Variants in ACSBG2 observed in about 807,000 individuals in gnomAD.
ACSBG2 encodes long-chain-fatty-acid--CoA ligase ACSBG2.
ACSBG2 carries 62 observed loss-of-function variants against 74.7 expected under a neutral mutation model. The ratio of observed to expected loss-of-function variants is 0.83; its 90% CI spans 0.68 to 1.03. The LOEUF (loss-of-function observed/expected upper bound fraction) is 1.03. Among genes scored for constraint, ACSBG2 ranks in the 50% least tolerant of loss-of-function variants. The pLI is 0.00. For missense variants in ACSBG2, 730 were observed against 817.6 expected, an observed-to-expected ratio of 0.89 and a Z score of 1.31; for synonymous variants, 309 against 294.1, an observed-to-expected ratio of 1.05 and a Z score of -0.52.
At chr19:6,178,557 T>A (rs2090153593) in intron 8 of ACSBG2, among the ~76,000 whole-genome samples, 1 of 151,964 alleles carries the variant, frequency 6.6e-6, no homozygotes, top group Admixed American at 6.6e-5. Context: ...GATTTTTGTA[T>A]TTTTAGTAGA....
At chr19:6,140,404 G>C (rs1322988880) in intron 1 of ACSBG2, among the ~76,000 whole-genome samples, 3 of 152,156 alleles carry the variant, frequency 2.0e-5, no homozygotes, top group African/African-American at 7.2e-5. Flanking sequence ...TCTCGGCCAG[G>C]CGCAATGGCT....
chr19:6,162,823 T>C (rs1363544172), intron 6 of ACSBG2, among the ~76,000 whole-genome samples: 3 of 151,802 alleles, frequency 2.0e-5, no homozygotes, highest in Non-Finnish European at 4.4e-5. Flanking sequence ...TGCCTCCCAC[T>C]TGAAACAACC....
chr19:6,150,572 C>A (rs1052231886), intron 3 of ACSBG2, among the ~76,000 whole-genome samples: 1 of 152,158 alleles, frequency 6.6e-6, no homozygotes, highest in Non-Finnish European at 1.5e-5. Context: ...GGACATCATA[C>A]TCGGTGAAAT....
chr19:6,168,968 G>A (rs2089891513), intron 7 of ACSBG2, among the ~76,000 whole-genome samples: 1 of 151,998 alleles, frequency 6.6e-6, no homozygotes, highest in Non-Finnish European at 1.5e-5. Flanking sequence ...TAGAAGAGGT[G>A]GGGCTTCGCT....
chr19:6,156,606 C>T, intron 5 of ACSBG2, 55 bp downstream of exon 5: 1 of 1,462,460 alleles, frequency 6.8e-7, no homozygotes, highest in African/African-American at 1.4e-5. Context: ...CCTCAGGGCT[C>T]TGGGCAGGTG....
intron 7 of ACSBG2, among the ~76,000 whole-genome samples, chr19:6,171,690 C>T (rs1030004367): frequency 9.9e-5 from 15 of 151,922 alleles, no homozygotes; most frequent in Non-Finnish European, 1.3e-4. Flanking sequence ...CTATATGCCT[C>T]GGGGGTGGCC....
intron 2 of ACSBG2, among the ~76,000 whole-genome samples, chr19:6,144,427 A>G (rs1404275534): frequency 6.6e-6 from 1 of 152,214 alleles, no homozygotes; most frequent in Non-Finnish European, 1.5e-5. Context: ...ATCGAAGCAG[A>G]GTTTGCAGTG....
intron 5 of ACSBG2, among the ~76,000 whole-genome samples, chr19:6,157,342 G>T (rs1018637329): frequency 1.3e-5 from 2 of 152,208 alleles, no homozygotes; most frequent in Non-Finnish European, 2.9e-5. Context: ...GAACACCTGA[G>T]GTCAGGAGTT....
intron 7 of ACSBG2, among the ~76,000 whole-genome samples, chr19:6,170,091 T>C (rs909250133): frequency 9.2e-5 from 14 of 152,194 alleles, no homozygotes; most frequent in African/African-American, 3.4e-4. Context: ...TTGTGCCTGA[T>C]TGCTCTGGCT....
intron 4 of ACSBG2, among the ~76,000 whole-genome samples, chr19:6,153,487 C>T (rs2089304533): frequency 6.6e-6 from 1 of 151,936 alleles, no homozygotes; most frequent in South Asian, 2.1e-4. Flanking sequence ...GTTTGTTCGA[C>T]TCAAGATTAA....
intron 8 of ACSBG2, 134 bp from the exon 9 acceptor site, chr19:6,182,617 T>G: frequency 6.1e-6 from 5 of 818,166 alleles, no homozygotes; most frequent in Non-Finnish European, 9.5e-6. Flanking sequence ...GTTGTCTCCT[T>G]TTGGTTGGGA....
intron 7 of ACSBG2, chr19:6,175,742 G>A (rs1165371902): frequency 6.6e-6 from 1 of 152,122 alleles, no homozygotes; most frequent in African/African-American, 2.4e-5. Context: ...AAAATTATAG[G>A]TACACTAAAA....
In ACSBG2 at chr19:6,185,442, C is replaced by A. The variant is rs1390384362; in HGVS notation, c.1329C>A (p.Gly443=). The A allele has an allele frequency of 6.2e-7, 1 of 1,614,116 alleles. No homozygotes were observed. The highest frequency in any genetic ancestry group is 2.2e-5 in the East Asian group (1 of 44,884). Residue 443 remains glycine (G), a synonymous_variant, in exon 11 of 15, where the codon GGC becomes GGA. Transcript: ENST00000588485. ...NQNNYRLLSC[G]KILTGCKNML... The stretch of plus-strand genomic sequence containing the variant: ...TGCTTCTGTCCCCTGGCAGCTGTGG[C>A]AAGATCTTGACTGGGTGTAAGAATA...
chr19:6,160,928 C>T lies in ACSBG2; in HGVS notation c.508-287C>T, dbSNP rs149187145. Among the ~76,000 whole-genome samples, 872 of 152,126 alleles carry T rather than the reference C, an allele frequency of 5.7e-3. 5 individuals are homozygous for T. The highest frequency in any genetic ancestry group is 0.02 in the African/African-American group (835 of 41,514). On this transcript the variant is annotated intron_variant, in intron 5 of 14. Coordinates refer to ENST00000588485, the MANE Select transcript of ACSBG2 (RefSeq NM_030924.5). Reference sequence around the variant, plus strand: ...CAGCCTGGCCAATACGGTGAAACCCCGGCTCTACTAAAAATACAAAAATTA... The same window carrying T: ...CAGCCTGGCCAATACGGTGAAACCCTGGCTCTACTAAAAATACAAAAATTA...
At chr19:6,186,217 G>A (rs946777172) in intron 11 of ACSBG2, among the ~76,000 whole-genome samples, 3 of 152,116 alleles carry the variant, frequency 2.0e-5, no homozygotes, top group Non-Finnish European at 4.4e-5. Flanking sequence ...CCTGAAGAGG[G>A]CCCTTTAGTA....
At chr19:6,142,070 C>T (rs909523486) in intron 2 of ACSBG2, among the ~76,000 whole-genome samples, 1 of 152,088 alleles carries the variant, frequency 6.6e-6, no homozygotes, top group African/African-American at 2.4e-5. Flanking sequence ...GTTGAGGTAG[C>T]AGGGCAAGTT....
At chr19:6,153,375 C>A (rs1302351466) in intron 4 of ACSBG2, among the ~76,000 whole-genome samples, 1 of 152,142 alleles carries the variant, frequency 6.6e-6, no homozygotes, top group Non-Finnish European at 1.5e-5. Flanking sequence ...CCATCATGAT[C>A]CCAAGTAATA....
intron 5 of ACSBG2, among the ~76,000 whole-genome samples, chr19:6,156,969 CAG>C (rs1361229481): frequency 2.0e-5 from 3 of 150,916 alleles, no homozygotes; most frequent in African/African-American, 7.3e-5. Flanking sequence ...TTTTCCGAGA[CAG>C]AGTCTCGCTC....
intron 8 of ACSBG2, among the ~76,000 whole-genome samples, chr19:6,177,645 G>C (rs1025536613): frequency 1.2e-4 from 18 of 152,136 alleles, no homozygotes; most frequent in African/African-American, 4.3e-4. Flanking sequence ...GTTGAGACCA[G>C]CCTGAGCAAG....
Sources: gnomAD v4.1 joint callset for allele counts (sites outside exome capture counted in the v4.1 genomes callset) on GRCh38, gnomAD v4.1.1 for gene constraint, MANE v1.5 for transcripts, NCBI Gene and HGNC (gene_info 2026-07-23, HGNC 2026-07-21) for gene names.